The following RORB variants were observed in gnomAD, a reference collection of about 807,000 sequenced individuals.
RORB encodes the protein nuclear receptor ROR-beta.
RORB carries 6 observed loss-of-function variants against 59.1 expected under a neutral mutation model. The observed-to-expected ratio is 0.10, with a 90% CI of 0.06 to 0.20. The LOEUF (loss-of-function observed/expected upper bound fraction) is 0.20, where lower values mean the gene tolerates loss of function less well. Among genes scored for constraint, RORB ranks in the 10% least tolerant of loss-of-function variants. The pLI is 1.00. For missense variants in RORB, 320 were observed against 560.5 expected (o/e 0.57, Z 4.33); for synonymous variants, 215 against 204.5 (o/e 1.05, Z -0.44).
intron 4 of RORB, among the ~76,000 whole-genome samples, chr9:74,648,879 C>T (rs569189208): frequency 1.3e-5 from 2 of 152,212 alleles, no homozygotes; most frequent in South Asian, 2.1e-4. Context: ...TTAGGGCAAA[C>T]GCACCTGTCC....
intron 1 of RORB, among the ~76,000 whole-genome samples, chr9:74,607,999 G>A (rs1823175794): frequency 6.6e-6 from 1 of 152,124 alleles, no homozygotes; most frequent in African/African-American, 2.4e-5. Flanking sequence ...ACTCCCCATT[G>A]TTGAATACAT....
chr9:74,505,440 A>G (rs1354136091), intron 1 of RORB, among the ~76,000 whole-genome samples: 3 of 152,154 alleles, frequency 2.0e-5, no homozygotes, highest in African/African-American at 7.2e-5. Context: ...ATATAAAAAG[A>G]AATGTACATG....
At chr9:74,558,170 T>A (rs566252090) in intron 1 of RORB, among the ~76,000 whole-genome samples, 1 of 152,194 alleles carries the variant, frequency 6.6e-6, no homozygotes, top group Non-Finnish European at 1.5e-5. Context: ...TCTTGATTAA[T>A]GTTATATTCC....
intron 1 of RORB, among the ~76,000 whole-genome samples, chr9:74,540,169 T>C (rs1052317806): frequency 6.2e-5 from 9 of 145,844 alleles, no homozygotes; most frequent in Non-Finnish European, 1.3e-4. Flanking sequence ...ATTTTGTTTA[T>C]GTCATTGATC....
chr9:74,630,727 T>C (rs2118415824), intron 2 of RORB, among the ~76,000 whole-genome samples: 1 of 151,696 alleles, frequency 6.6e-6, no homozygotes, highest in East Asian at 1.9e-4. Flanking sequence ...ATAAAGATTA[T>C]AAACTAATAG....
intron 1 of RORB, among the ~76,000 whole-genome samples, chr9:74,582,530 C>T (rs1194830783): frequency 6.6e-6 from 1 of 152,222 alleles, no homozygotes; most frequent in Non-Finnish European, 1.5e-5. Context: ...AAATACCCTT[C>T]ACAGTGTTGT....
chr9:74,503,943 G>A (rs1375176764), intron 1 of RORB, among the ~76,000 whole-genome samples: 2 of 152,040 alleles, frequency 1.3e-5, no homozygotes, highest in African/African-American at 4.8e-5. Context: ...GGCATTTATA[G>A]TGAATCAAGC....
chr9:74,519,148 G>C (rs778437564), intron 1 of RORB, among the ~76,000 whole-genome samples: 1 of 151,924 alleles, frequency 6.6e-6, no homozygotes, highest in Non-Finnish European at 1.5e-5. Flanking sequence ...AAGCTCAAAG[G>C]CCTGAAAACT....
chr9:74,532,747 A>AT (rs1345641448), intron 1 of RORB, among the ~76,000 whole-genome samples: 1 of 147,956 alleles, frequency 6.8e-6, no homozygotes, highest in African/African-American at 2.5e-5. Flanking sequence ...ATACATATAC[A>AT]TTTTTTCTAT....
At chr9:74,572,402 A>G (rs1364398492) in intron 1 of RORB, among the ~76,000 whole-genome samples, 1 of 152,150 alleles carries the variant, frequency 6.6e-6, no homozygotes, top group East Asian at 1.9e-4. Flanking sequence ...CTGAGCTTAG[A>G]TGACTGAGGA....
intron 1 of RORB, among the ~76,000 whole-genome samples, chr9:74,535,927 C>T (rs183316925): frequency 3.0e-4 from 46 of 151,998 alleles, no homozygotes; most frequent in African/African-American, 1.1e-3. Context: ...TGTTGATTAT[C>T]TATAAATTAT....
intron 1 of RORB, among the ~76,000 whole-genome samples, chr9:74,603,760 C>A (rs1823105164): frequency 6.6e-6 from 1 of 152,202 alleles, no homozygotes; most frequent in Admixed American, 6.5e-5. Context: ...TAATACATCA[C>A]TCTACCAAGG....
intron 1 of RORB, among the ~76,000 whole-genome samples, chr9:74,605,398 C>A (rs988989898): frequency 6.6e-6 from 1 of 152,174 alleles, no homozygotes; most frequent in Non-Finnish European, 1.5e-5. Flanking sequence ...AGTATCCCAA[C>A]AGGGGCCTTT....
chr9:74,591,403 G>C (rs889358791), intron 1 of RORB, among the ~76,000 whole-genome samples: 1 of 152,146 alleles, frequency 6.6e-6, no homozygotes, highest in South Asian at 2.1e-4. Flanking sequence ...TTTTTAAGAT[G>C]CAGTCCCTTA....
intron 6 of RORB, 44 bp from the exon 7 acceptor site, chr9:74,665,444 A>G (rs756134832): frequency 3.4e-6 from 4 of 1,179,916 alleles, no homozygotes; most frequent in East Asian, 2.6e-5. Context: ...TTGGATATAT[A>G]TGTGTATTTT....
rs778032653 is a variant in RORB, at chr9:74,630,382, T to C, written c.93+15T>C. On this transcript the variant is annotated intron_variant, in intron 2 of 9. Transcript: ENST00000376896. ...AAGGCTGCAAGGTATGGGACTTTCA[T>C]ACAGCACGGTTCTGTATTTGCCTCA... The C allele has an allele frequency of 1.4e-5, 22 of 1,603,658 alleles. No individual in the cohort carries two copies. In the South Asian group the frequency reaches 1.9e-4, roughly 14 times the overall value.
intron 3 of RORB, among the ~76,000 whole-genome samples, chr9:74,640,505 G>C (rs149688644): frequency 5.3e-5 from 8 of 151,702 alleles, no homozygotes; most frequent in African/African-American, 9.7e-5. Flanking sequence ...GGATGGTCTC[G>C]ATCTCCTGAC....
chr9:74,529,451 A>G (rs1251294339), intron 1 of RORB, among the ~76,000 whole-genome samples: 7 of 151,804 alleles, frequency 4.6e-5, no homozygotes, highest in Non-Finnish European at 1.5e-5. Flanking sequence ...ATCACTGCAT[A>G]TTTCTCCAAT....
chr9:74,665,482 T>G lies in RORB; in HGVS notation c.893-6T>G. 1 of 1,559,116 alleles carries G rather than the reference T, an allele frequency of 6.4e-7. No individual in the cohort carries two copies. The highest frequency in any genetic ancestry group is 1.2e-5 in the South Asian group (1 of 85,292). ...TTTTATTTTTATTTTTATTTTTTAC[T>G]CATAGGTTGCTTGGAAGTGGTTTTA... On this transcript the variant is annotated splice_polypyrimidine_tract_variant and splice_region_variant and intron_variant, in intron 6 of 9. Coordinates refer to ENST00000376896, the MANE Select transcript of RORB (RefSeq NM_006914.4).
Sources: gnomAD v4.1 joint callset for allele counts (sites outside exome capture counted in the v4.1 genomes callset) on GRCh38, gnomAD v4.1.1 for gene constraint, MANE v1.5 for transcripts, NCBI Gene and HGNC (gene_info 2026-07-23, HGNC 2026-07-21) for gene names.